ARHGAP22: variants seen among roughly 807,000 people sequenced by gnomAD.
The protein encoded by ARHGAP22 is Rho GTPase activating protein 22, also known as rho GTPase-activating protein 22.
ARHGAP22 carries 48 observed loss-of-function variants against 59.1 expected under a neutral mutation model. The observed-to-expected ratio is 0.81, with a 90% CI of 0.64 to 1.03. The LOEUF (loss-of-function observed/expected upper bound fraction) is 1.03, where lower values mean the gene tolerates loss of function less well. Among genes scored for constraint, ARHGAP22 ranks in the 50% least tolerant of loss-of-function variants. ARHGAP22 has a pLI of 0.00. For synonymous variants in ARHGAP22, 445 were observed against 416.4 expected (o/e 1.07, Z -0.84); for missense variants, 1,015 against 958.7 (o/e 1.06, Z -0.78).
chr10:48,453,203 G>A, intron 8 of ARHGAP22, 101 bp downstream of exon 8: 2 of 1,547,434 alleles, frequency 1.3e-6, no homozygotes, highest in East Asian at 2.3e-5. Context: ...CCCTCCTGCT[G>A]GCCTGGCCCT....
intron 1 of ARHGAP22, among the ~76,000 whole-genome samples, chr10:48,617,624 TA>T (rs527686171): frequency 6.6e-6 from 1 of 151,942 alleles, no homozygotes; most frequent in Non-Finnish European, 1.5e-5. Context: ...TAAAGACATT[TA>T]AAAAACTTTC....
intron 3 of ARHGAP22, among the ~76,000 whole-genome samples, chr10:48,518,825 T>C (rs1442165264): frequency 6.6e-6 from 1 of 152,146 alleles, no homozygotes; most frequent in African/African-American, 2.4e-5. Context: ...GGTGCTGGCA[T>C]AGCATAGAGA....
chr10:48,450,874 C>G lies in ARHGAP22; in HGVS notation c.1255G>C (p.Gly419Arg). 6.3e-7 allele frequency: 1 copy of G among 1,587,042 alleles called. No individual in the cohort carries two copies. Among genetic ancestry groups the G allele is most frequent in the Non-Finnish European group, 8.6e-7 (1 of 1,167,986 alleles). The change falls in exon 9 of 10, where the codon GGG becomes CGG. Residue 419 changes from glycine (G) to arginine (R), a missense_variant. By Grantham distance (125) the Gly-to-Arg change is moderately radical. Coordinates refer to ENST00000249601, the MANE Select transcript of ARHGAP22 (RefSeq NM_021226.4). ...CTGGGCAGGGTCTGCACCTTCTTCC[C>G]AGGGCTGCACCGGCTCCCCGGCCCC... ...PTGPGSRCSP[G>R]KKVQTLPSWK... is the part of the protein sequence containing the mutation.
At chr10:48,431,648 C>A in the ARHGAP22 span, among the ~76,000 whole-genome samples, 1 of 152,066 alleles carries the variant, frequency 6.6e-6, no homozygotes, top group Non-Finnish European at 1.5e-5. Flanking sequence ...CATGTAATAC[C>A]AAATTGCTGT....
At chr10:48,623,797 A>G (rs944762181) in intron 1 of ARHGAP22, among the ~76,000 whole-genome samples, 4 of 152,230 alleles carry the variant, frequency 2.6e-5, no homozygotes, top group African/African-American at 9.6e-5. Flanking sequence ...ACATCCTGAA[A>G]TAGCAATTGG....
At chr10:48,442,478 C>T (rs958022246), downstream of ARHGAP22, among the ~76,000 whole-genome samples, 6 of 152,196 alleles carry the variant, frequency 3.9e-5, no homozygotes, top group African/African-American at 1.4e-4. Flanking sequence ...TTGATGTGAA[C>T]CAAGTGCTGT....
chr10:48,498,373 G>C (rs1389623791), intron 3 of ARHGAP22, among the ~76,000 whole-genome samples: 1 of 152,250 alleles, frequency 6.6e-6, no homozygotes, highest in East Asian at 1.9e-4. Flanking sequence ...GGCACCTGTT[G>C]GTCCTCAGAG....
intron 1 of ARHGAP22, among the ~76,000 whole-genome samples, chr10:48,622,803 C>T (rs563756920): frequency 6.6e-6 from 1 of 152,140 alleles, no homozygotes; most frequent in Non-Finnish European, 1.5e-5. Flanking sequence ...ACCCATTTGG[C>T]CCTCTACCAA....
intron 2 of ARHGAP22, among the ~76,000 whole-genome samples, chr10:48,570,024 T>C (rs982913310): frequency 3.9e-5 from 6 of 152,262 alleles, no homozygotes; most frequent in African/African-American, 1.4e-4. Context: ...GTATGATTAC[T>C]TAAATCTTGT....
intron 1 of ARHGAP22, among the ~76,000 whole-genome samples, chr10:48,636,308 C>T (rs2061815541): frequency 6.6e-6 from 1 of 152,232 alleles, no homozygotes; most frequent in African/African-American, 2.4e-5. Flanking sequence ...TCCAGCCCAG[C>T]CCTGCATCCA....
intron 3 of ARHGAP22, among the ~76,000 whole-genome samples, chr10:48,522,260 G>C (rs1302073288): frequency 1.3e-5 from 2 of 152,212 alleles, no homozygotes; most frequent in Non-Finnish European, 2.9e-5. Flanking sequence ...GAACCTTGTA[G>C]GCACTTCAGA....
intron 8 of ARHGAP22, chr10:48,451,612 G>T (rs1439857505): frequency 1.4e-5 from 10 of 697,658 alleles, no homozygotes; most frequent in Non-Finnish European, 2.1e-5. Context: ...TCTTTCCTGT[G>T]TGGGGGCACA....
downstream of ARHGAP22, chr10:48,444,771 C>A (rs1446674399): frequency 6.6e-6 from 1 of 152,286 alleles, no homozygotes; most frequent in Admixed American, 6.5e-5. Context: ...CTCCGTTTCT[C>A]CTCTGAATAT....
intron 4 of ARHGAP22, among the ~76,000 whole-genome samples, chr10:48,475,028 C>T (rs930947132): frequency 1.3e-5 from 2 of 152,206 alleles, no homozygotes; most frequent in African/African-American, 2.4e-5. Flanking sequence ...CCCCATTTCT[C>T]TCTTTCCCTT....
chr10:48,453,946 T>C, intron 7 of ARHGAP22, 142 bp downstream of exon 7: 1 of 843,402 alleles, frequency 1.2e-6, no homozygotes, highest in Non-Finnish European at 1.9e-6. Context: ...CCCTGCTTCG[T>C]CCACGCTGGG....
intron 2 of ARHGAP22, among the ~76,000 whole-genome samples, chr10:48,557,583 C>T (rs779723082): frequency 2.0e-5 from 3 of 152,204 alleles, no homozygotes; most frequent in African/African-American, 2.4e-5. Context: ...GTGCTGGGGA[C>T]GTCAGCTCAG....
intron 1 of ARHGAP22, among the ~76,000 whole-genome samples, chr10:48,646,403 A>G (rs948630606): frequency 6.6e-6 from 1 of 152,262 alleles, no homozygotes; most frequent in East Asian, 1.9e-4. Flanking sequence ...GTAAAAGAAT[A>G]AAGTTACACA....
Position 48,483,502 on chromosome 10 carries a change from T to C in ARHGAP22, c.323-3738A>G, listed in dbSNP as rs2049536818. ...TCTCCATACTGTTTTCCATAATGAC[T>C]GTGTTAATTTACATTCCCACCAACA... is the stretch of plus-strand genomic sequence containing the variant. On this transcript the variant is annotated intron_variant, in intron 3 of 9. Coordinates refer to ENST00000249601, the MANE Select transcript of ARHGAP22 (RefSeq NM_021226.4). Among the ~76,000 whole-genome samples, 4 of 152,250 alleles carry C rather than the reference T, an allele frequency of 2.6e-5. No individual in the cohort carries two copies. The South Asian group carries it at 6.2e-4, about 24-fold the overall frequency.
At chr10:48,545,426 C>T (rs1464094402) in intron 3 of ARHGAP22, among the ~76,000 whole-genome samples, 2 of 152,214 alleles carry the variant, frequency 1.3e-5, no homozygotes, top group South Asian at 2.1e-4. Flanking sequence ...GTGTAAGAGC[C>T]ACTCCCATCT....
Sources: gnomAD v4.1 joint callset for allele counts (sites outside exome capture counted in the v4.1 genomes callset) on GRCh38, gnomAD v4.1.1 for gene constraint, MANE v1.5 for transcripts, NCBI Gene and HGNC (gene_info 2026-07-23, HGNC 2026-07-21) for gene names.